TTLL11: variants seen among roughly 807,000 people sequenced by gnomAD.
TTLL11 encodes tubulin polyglutamylase TTLL11.
In TTLL11, 42 loss-of-function variants were observed where a neutral mutation model predicts 51.7. That is an observed-to-expected ratio of 0.81 (90% CI 0.64 to 1.05). The LOEUF is 1.05. Among genes scored for constraint, TTLL11 ranks in the 50% least tolerant of loss-of-function variants. TTLL11 has a pLI of 0.00. For synonymous variants in TTLL11, 381 were observed against 383.5 expected (o/e 0.99, Z 0.08); for missense variants, 799 against 940.4 (o/e 0.85, Z 1.97).
chr9:122,031,821 TG>T lies in TTLL11; in HGVS notation c.594del (p.Ser198ArgfsTer4). ...MTEMVRKITL[S>X]RAVRTMQNLF... ...AGATTCTGCATGGTTCTCACTGCTC[TG>T]CTCAGAGTAATTTTACGCACCATCT... is the stretch of plus-strand genomic sequence containing the variant. On this transcript the variant is annotated frameshift_variant, in exon 3 of 9. Coordinates refer to ENST00000321582, the MANE Select transcript of TTLL11 (RefSeq NM_001139442.2). LOFTEE classifies it high-confidence loss of function. 1 of 1,613,982 alleles carries T rather than the reference TG, an allele frequency of 6.2e-7. No individual in the cohort carries two copies. Among genetic ancestry groups the T allele is most frequent in the Non-Finnish European group, 8.5e-7 (1 of 1,179,908 alleles).
rs190179516 is a variant in TTLL11 at position 121,898,647 on chromosome 9, G to A, written c.1482-27899C>T. Among the ~76,000 whole-genome samples, 698 of 152,334 alleles carry A rather than the reference G, an allele frequency of 4.6e-3. 1 individual carries two copies. Among genetic ancestry groups the A allele is most frequent in the Non-Finnish European group, 8.4e-3 (570 of 68,032 alleles). ...GTGTGTCCACCGATGGGCCAGGCAC[G>A]GTGGGCTCCCTGGGCATGGCACTTA... On this transcript the variant is annotated intron_variant, in intron 6 of 8. Coordinates refer to ENST00000321582, the MANE Select transcript of TTLL11 (RefSeq NM_001139442.2).
rs77935858 is a variant in TTLL11 at position 121,959,865 on chromosome 9, C to T, written c.1481+14144G>A. On this transcript the variant is annotated intron_variant, in intron 6 of 8. Transcript: ENST00000321582. ...CATCTCTTGACACCGTCCCTGCTTG[C>T]TCACTGTGATCTGTATTATACATTG... Among the ~76,000 whole-genome samples the T allele has an allele frequency of 4.9e-4, 74 of 152,104 alleles. 2 individuals are homozygous for T. The East Asian group carries it at 0.01, about 21-fold the overall frequency.
chr9:121,837,132 T>C (rs181874563), intron 8 of TTLL11, among the ~76,000 whole-genome samples: 316 of 152,332 alleles, frequency 2.1e-3, no homozygotes, highest in African/African-American at 7.4e-3. Context: ...TAGAATTCCA[T>C]AGTATAGATG....
At chr9:121,888,808 G>A (rs1588097335) in intron 6 of TTLL11, among the ~76,000 whole-genome samples, 1 of 152,224 alleles carries the variant, frequency 6.6e-6, no homozygotes, top group African/African-American at 2.4e-5. Context: ...AGTAACAGCC[G>A]CTATGGACTG....
At chr9:121,902,834 T>C (rs577925841) in intron 6 of TTLL11, among the ~76,000 whole-genome samples, 1 of 152,284 alleles carries the variant, frequency 6.6e-6, no homozygotes, top group East Asian at 1.9e-4. Context: ...AGTTCGTCAT[T>C]GTAACACGTG....
At chr9:121,839,873 C>G (rs1032139533) in intron 8 of TTLL11, among the ~76,000 whole-genome samples, 2 of 152,190 alleles carry the variant, frequency 1.3e-5, no homozygotes, top group Non-Finnish European at 2.9e-5. Context: ...TGAGACCCCT[C>G]TGAGGAGCTC....
rs958235863 is a variant in TTLL11 at position 122,032,480 on chromosome 9, A to G, written c.560-624T>C. The stretch of plus-strand genomic sequence containing the variant: ...GAGTTCCTCAGTTATAAGGACTGAC[A>G]CTGACATTGATCCTATCTCATTAAT... On this transcript the variant is annotated intron_variant, in intron 2 of 8. Coordinates refer to ENST00000321582, the MANE Select transcript of TTLL11 (RefSeq NM_001139442.2). 3.9e-5 allele frequency among the ~76,000 whole-genome samples: 6 copies of G among 152,150 alleles called. No individual in the cohort carries two copies. The East Asian group carries it at 1.2e-3, about 29-fold the overall frequency.
At chr9:122,028,690 T>C (rs940151093) in intron 3 of TTLL11, among the ~76,000 whole-genome samples, 3 of 152,146 alleles carry the variant, frequency 2.0e-5, no homozygotes, top group East Asian at 1.9e-4. Flanking sequence ...TTGACACTTA[T>C]AAGATGCTAC....
At chr9:121,997,038 C>T (rs1843289837) in intron 3 of TTLL11, among the ~76,000 whole-genome samples, 1 of 152,198 alleles carries the variant, frequency 6.6e-6, no homozygotes, top group Non-Finnish European at 1.5e-5. Context: ...GCAGCTGGTG[C>T]TTCTGCTCAG....
intron 3 of TTLL11, among the ~76,000 whole-genome samples, chr9:122,004,322 T>C (rs906533655): frequency 1.7e-4 from 26 of 151,798 alleles, no homozygotes; most frequent in African/African-American, 6.3e-4. Flanking sequence ...CTAATATGCA[T>C]TGAGCATCAG....
chr9:121,981,816 G>T (rs1842836581), intron 4 of TTLL11, among the ~76,000 whole-genome samples: 1 of 152,262 alleles, frequency 6.6e-6, no homozygotes, highest in African/African-American at 2.4e-5. Flanking sequence ...AACTTCTTTG[G>T]AGACTCCATT....
At chr9:122,026,636 G>A (rs1394672885) in intron 3 of TTLL11, among the ~76,000 whole-genome samples, 2 of 152,050 alleles carry the variant, frequency 1.3e-5, no homozygotes, top group Non-Finnish European at 2.9e-5. Flanking sequence ...AAAGCTGTCT[G>A]TTAAAAAGTA....
intron 6 of TTLL11, among the ~76,000 whole-genome samples, chr9:121,928,441 AT>A (rs35562644): frequency 0.19 from 24,552 of 131,630 alleles, 1,927 homozygotes; most frequent in African/African-American, 0.26. Context: ...TTTGTTTTGG[AT>A]TTTTTTTTTT....
Position 122,092,945 on chromosome 9 carries a change from C to CGCCGGG in TTLL11, c.198_203dup (p.Pro67_Ala68dup). ...TCCCCTCCTCAGCCGCACTGGGCTG[C>CGCCGGG]GCCGGGGCCGGGGCCAGGACCTTGG... On this transcript the variant is annotated inframe_insertion, in exon 1 of 9. Transcript: ENST00000321582. 3 of 1,579,010 alleles carry CGCCGGG rather than the reference C, an allele frequency of 1.9e-6. No homozygotes were observed. The highest frequency in any genetic ancestry group is 2.6e-6 in the Non-Finnish European group (3 of 1,171,058).
chr9:122,075,297 T>C (rs1005103264), intron 1 of TTLL11, among the ~76,000 whole-genome samples: 3 of 152,242 alleles, frequency 2.0e-5, no homozygotes, highest in Non-Finnish European at 4.4e-5. Flanking sequence ...CTGATAGTGA[T>C]CACCCGTGCC....
intron 1 of TTLL11, among the ~76,000 whole-genome samples, chr9:122,066,188 GTGT>G (rs59290623): frequency 0.14 from 20,159 of 149,002 alleles, 1,580 homozygotes; most frequent in African/African-American, 0.2. Context: ...GGGGAGCAGA[GTGT>G]TGTTGTTGTT....
intron 8 of TTLL11, among the ~76,000 whole-genome samples, chr9:121,825,358 T>TAGCC (rs1203420265): frequency 6.6e-6 from 1 of 152,102 alleles, no homozygotes; most frequent in Non-Finnish European, 1.5e-5. Context: ...AAAGTGTGGC[T>TAGCC]GGCTGACAGT....
intron 6 of TTLL11, among the ~76,000 whole-genome samples, chr9:121,946,812 A>C (rs1314310594): frequency 6.6e-6 from 1 of 152,176 alleles, no homozygotes; most frequent in African/African-American, 2.4e-5. Context: ...GGTGGAGCCC[A>C]GGCAGAGAAG....
At chr9:122,048,821 G>A (rs533031271) in intron 1 of TTLL11, among the ~76,000 whole-genome samples, 9 of 151,966 alleles carry the variant, frequency 5.9e-5, no homozygotes, top group South Asian at 4.2e-4. Context: ...GGCCTCTGTC[G>A]CTACACCCAT....
Sources: allele counts gnomAD v4.1 joint callset (sites outside exome capture counted in the v4.1 genomes callset), GRCh38; gene constraint gnomAD v4.1.1; transcripts MANE v1.5; gene names NCBI Gene and HGNC (gene_info 2026-07-23, HGNC 2026-07-21).